FBXO11: variants seen among roughly 807,000 people sequenced by gnomAD.
The protein encoded by FBXO11 is F-box only protein 11.
FBXO11 carries 13 observed loss-of-function variants against 117.0 expected under a neutral mutation model. That is an observed-to-expected ratio of 0.11 (90% CI 0.07 to 0.18). FBXO11 has a LOEUF of 0.18. Ranked by LOEUF, FBXO11 falls within the 10% of genes least tolerant of loss-of-function variation. The probability of loss-of-function intolerance (pLI) is 1.00; values close to 1 mark genes in which losing one functional copy is unlikely to be tolerated. For missense variants in FBXO11, 767 were observed against 1,164.4 expected, an observed-to-expected ratio of 0.66 and a Z score of 4.97; for synonymous variants, 490 against 380.5, an observed-to-expected ratio of 1.29 and a Z score of -3.35.
chr2:47,898,670 T>A (rs1282291982), intron 1 of FBXO11, among the ~76,000 whole-genome samples: 2 of 152,168 alleles, frequency 1.3e-5, no homozygotes, highest in East Asian at 3.9e-4. Flanking sequence ...ATCAGAAGAT[T>A]ACTTGAAAAA....
At chr2:47,817,040 ATCT>A (rs1414340662) in intron 16 of FBXO11, among the ~76,000 whole-genome samples, 2 of 152,146 alleles carry the variant, frequency 1.3e-5, no homozygotes, top group African/African-American at 4.8e-5. Flanking sequence ...TTCTGGATGC[ATCT>A]TCTTCCAATA....
chr2:47,812,939 TATTATA>T (rs1353366604), intron 18 of FBXO11: 2 of 327,666 alleles, frequency 6.1e-6, no homozygotes, highest in Non-Finnish European at 1.1e-5. Flanking sequence ...CTTTGAAGTT[TATTATA>T]ATCATATTAC....
In FBXO11 at chr2:47,810,404, A is replaced by T. The variant is rs1431053522; in HGVS notation, c.2250T>A (p.Ile750=). ...GGRGLLEEND[I]FRNAQAGVLI... ...GAACACCTGCTTGAGCATTCCTGAA[A>T]ATATCATTTTCTTCAAGGAGACCTA... Residue 750 remains isoleucine (I), a synonymous_variant, in exon 19 of 23, where the codon ATT becomes ATA. Transcript: ENST00000403359. The T allele has an allele frequency of 6.2e-7, 1 of 1,609,744 alleles. No homozygotes were observed. The highest frequency in any genetic ancestry group is 8.5e-7 in the Non-Finnish European group (1 of 1,177,858).
chr2:47,878,504 C>T (rs1676182226), intron 1 of FBXO11, among the ~76,000 whole-genome samples: 1 of 151,754 alleles, frequency 6.6e-6, no homozygotes, highest in South Asian at 2.1e-4. Flanking sequence ...TTACAGGTGC[C>T]TGCCACTATG....
chr2:47,868,691 C>T (rs963041325), intron 1 of FBXO11, among the ~76,000 whole-genome samples: 2 of 152,116 alleles, frequency 1.3e-5, no homozygotes, highest in African/African-American at 4.8e-5. Context: ...TATACATGGG[C>T]TTAGCAACAG....
rs771030777 is a variant in FBXO11 at position 47,839,711 on chromosome 2, A to T, written c.291T>A (p.Ser97Arg). 2.3e-5 allele frequency: 37 copies of T among 1,614,100 alleles called. No individual in the cohort carries two copies. Among genetic ancestry groups the T allele is most frequent in the Non-Finnish European group, 2.8e-5 (33 of 1,179,992 alleles). Residue 97 changes from serine (S) to arginine (R), a missense_variant, in exon 2 of 23, where the codon AGT becomes AGA. Physicochemically the swap from Ser to Arg is moderately radical, Grantham distance 110. This residue lies in a region of FBXO11 where 355 missense variants were observed against 299.8 expected (regional missense o/e 1.18). Coordinates refer to ENST00000403359, the MANE Select transcript of FBXO11 (RefSeq NM_001190274.2). Reference sequence around the variant, plus strand: ...GAGTTTTTCTACGAAGTTGGTATGGACTATTTTGTGCACCAGGACCTGATT... The same window carrying T: ...GAGTTTTTCTACGAAGTTGGTATGGTCTATTTTGTGCACCAGGACCTGATT... The part of the protein sequence containing the change: ...AEESGPGAQN[S>R]PYQLRRKTLL...
intron 1 of FBXO11, among the ~76,000 whole-genome samples, chr2:47,842,781 A>T (rs1455485844): frequency 9.8e-6 from 1 of 101,914 alleles, no homozygotes; most frequent in African/African-American, 3.6e-5. Flanking sequence ...TTTTTCTTTA[A>T]AAAAAAAAAA....
intron 1 of FBXO11, among the ~76,000 whole-genome samples, chr2:47,886,328 A>G (rs1182817313): frequency 1.3e-5 from 2 of 152,008 alleles, no homozygotes; most frequent in Admixed American, 1.3e-4. Context: ...AACATGGTGA[A>G]ACTCCCGTCT....
At position 47,900,220 on chromosome 2, in the gene FBXO11, GCT is replaced by G. The variant is rs549991817; in HGVS notation, c.232+5267_232+5268del. Among the ~76,000 whole-genome samples, 111 of 152,096 alleles carry G rather than the reference GCT, an allele frequency of 7.3e-4. No homozygotes were observed. In the Middle Eastern group the frequency reaches 0.017, roughly 23 times the overall value. On this transcript the variant is annotated intron_variant, in intron 1 of 22. Transcript: ENST00000403359. The stretch of plus-strand genomic sequence containing the variant: ...TAAGTTCCAAGCTTTAAGAAAATAG[GCT>G]CTTTTTACAGCTCCCATACTTCCTG...
intron 1 of FBXO11, among the ~76,000 whole-genome samples, chr2:47,857,045 G>A (rs1199455060): frequency 6.6e-6 from 1 of 152,148 alleles, no homozygotes; most frequent in Admixed American, 6.6e-5. Flanking sequence ...AGCCAATATA[G>A]ACATTACACT....
At chr2:47,872,540 T>C (rs1675699942) in intron 1 of FBXO11, among the ~76,000 whole-genome samples, 1 of 152,166 alleles carries the variant, frequency 6.6e-6, no homozygotes, top group Non-Finnish European at 1.5e-5. Context: ...GCCAGAGTGG[T>C]CTAAAACTCC....
intron 1 of FBXO11, among the ~76,000 whole-genome samples, chr2:47,902,437 A>C (rs947478955): frequency 6.6e-6 from 1 of 152,156 alleles, no homozygotes; most frequent in Admixed American, 6.5e-5. Flanking sequence ...GCTTTGAAAA[A>C]TCCTCAAAGA....
At chr2:47,833,905 C>T (rs528869410) in intron 7 of FBXO11, among the ~76,000 whole-genome samples, 5 of 151,982 alleles carry the variant, frequency 3.3e-5, no homozygotes, top group African/African-American at 7.2e-5. Flanking sequence ...TGACCTGAAG[C>T]GATCCACCCA....
chr2:47,877,341 T>A (rs1435023820), intron 1 of FBXO11, among the ~76,000 whole-genome samples: 3 of 152,190 alleles, frequency 2.0e-5, no homozygotes, highest in African/African-American at 7.2e-5. Flanking sequence ...ACCTATAGAC[T>A]AAGGATTCAC....
intron 7 of FBXO11, among the ~76,000 whole-genome samples, chr2:47,834,367 TG>T (rs558647032): frequency 2.0e-5 from 3 of 148,962 alleles, no homozygotes; most frequent in South Asian, 2.2e-4. Context: ...CAAAAAAGGT[TG>T]GGGGGGGCGG....
At chr2:47,813,702 G>A in intron 17 of FBXO11, 89 bp downstream of exon 17, 1 of 1,079,820 alleles carries the variant, frequency 9.3e-7, no homozygotes, top group Non-Finnish European at 1.4e-6. Context: ...CAAAGTGCTG[G>A]GATTACAGGC....
chr2:47,847,970 A>G (rs1673547763), intron 1 of FBXO11, among the ~76,000 whole-genome samples: 1 of 151,682 alleles, frequency 6.6e-6, no homozygotes, highest in Non-Finnish European at 1.5e-5. Flanking sequence ...TAAAAATACA[A>G]AAAATTAGCC....
intron 7 of FBXO11, among the ~76,000 whole-genome samples, chr2:47,834,018 T>G (rs1162451476): frequency 6.6e-6 from 1 of 152,154 alleles, no homozygotes; most frequent in Non-Finnish European, 1.5e-5. Flanking sequence ...CTTCGTTTAA[T>G]GAATAACTCA....
intron 11 of FBXO11, among the ~76,000 whole-genome samples, chr2:47,825,072 C>A (rs1225867227): frequency 1.3e-5 from 2 of 151,870 alleles, no homozygotes; most frequent in Non-Finnish European, 2.9e-5. Context: ...ACAGTAAGTA[C>A]TCAAACAGGA....
Sources: allele counts gnomAD v4.1 joint callset (sites outside exome capture counted in the v4.1 genomes callset), GRCh38; gene constraint gnomAD v4.1.1; regional missense constraint gnomAD v4.1.1; transcripts MANE v1.5; gene names NCBI Gene and HGNC (gene_info 2026-07-23, HGNC 2026-07-21).